CCDC117: variants seen among roughly 807,000 people sequenced by gnomAD.
CCDC117 encodes the protein coiled-coil domain-containing protein 117.
In CCDC117, 1 loss-of-function variant was observed where a neutral mutation model predicts 23.5. The ratio of observed to expected loss-of-function variants is 0.04; its 90% CI spans 0.02 to 0.20. The LOEUF is 0.20. CCDC117 is among the 10% of genes least tolerant of loss of function. The pLI is 1.00. For synonymous variants in CCDC117, 132 were observed against 124.8 expected (o/e 1.06, Z -0.39); for missense variants, 383 against 348.2 (o/e 1.10, Z -0.80).
At chr22:28,780,102 C>T (rs530391106) in intron 2 of CCDC117, among the ~76,000 whole-genome samples, 3 of 152,240 alleles carry the variant, frequency 2.0e-5, no homozygotes, top group Admixed American at 1.3e-4. Context: ...CACTACTTTA[C>T]GGTGACACTT....
intron 3 of CCDC117, among the ~76,000 whole-genome samples, chr22:28,783,065 G>A (rs942207095): frequency 3.3e-5 from 5 of 151,736 alleles, no homozygotes; most frequent in African/African-American, 9.7e-5. Context: ...GTTTTGAGAC[G>A]GAGTCTTGCT....
chr22:28,786,007 A>C (rs760794325), intron 4 of CCDC117, 82 bp from the exon 5 acceptor site: 2 of 866,796 alleles, frequency 2.3e-6, no homozygotes, highest in Non-Finnish European at 1.8e-6. Flanking sequence ...TTAAGATACT[A>C]GGTAATGTTG....
chr22:28,775,293 C>G (rs542335799), intron 2 of CCDC117, among the ~76,000 whole-genome samples: 1 of 152,286 alleles, frequency 6.6e-6, no homozygotes, highest in South Asian at 2.1e-4. Context: ...GTGTGGAATT[C>G]TATCGTAGGA....
rs747461863 is a variant in CCDC117, at chr22:28,782,325, C to G, written c.464+1153C>G. Among the ~76,000 whole-genome samples the G allele has an allele frequency of 1.1e-4, 16 of 139,138 alleles. No homozygotes were observed. The Admixed American group carries it at 1.2e-3, about 11-fold the overall frequency. 91.3% of individuals were successfully genotyped at this position (139,138 alleles called of 152,430 possible). A position where few individuals can be genotyped will look rare whatever the true frequency, so the allele number is the denominator to read the frequency against. ...AGGCTGGAGTACAATGGTGTGAACT[C>G]GGCGCTCACTGCAACCTCCGCCTCC... On this transcript the variant is annotated intron_variant, in intron 3 of 4. Transcript: ENST00000249064.
Position 28,772,725 on chromosome 22 carries a change from C to G in CCDC117, c.-125C>G. 2 of 722,242 alleles carry G rather than the reference C, an allele frequency of 2.8e-6. No homozygotes were observed. The highest frequency in any genetic ancestry group is 7.1e-5 in the South Asian group (1 of 14,010). The allele number at this position is 722,242 out of a possible 1,614,324, so 44.7% of individuals were successfully genotyped here. On this transcript the variant is annotated 5_prime_UTR_variant, in exon 1 of 5. Coordinates refer to ENST00000249064, the MANE Select transcript of CCDC117 (RefSeq NM_173510.4). ...GCCTGAGGTGGAGGGTTCTAGAAGG[C>G]GTGACGTGGGGTCGAGAGCGGGATC...
rs1303704647 is a variant in CCDC117 at position 28,772,793 on chromosome 22, G to C, written c.-57G>C. The stretch of plus-strand genomic sequence containing the variant: ...GGCAGTAGCTGTGGCTGCGGCTGCC[G>C]GGCCTGGGGACGCGGGCGGCCGAGG... On this transcript the variant is annotated 5_prime_UTR_variant, in exon 1 of 5. Transcript: ENST00000249064. The C allele has an allele frequency of 1.7e-6, 2 of 1,208,084 alleles. No homozygotes were observed. The highest frequency in any genetic ancestry group is 4.1e-5 in the South Asian group (1 of 24,400). 74.8% of individuals were successfully genotyped at this position (1,208,084 alleles called of 1,614,324 possible).
chr22:28,777,585 C>G (rs1031685086), intron 2 of CCDC117, among the ~76,000 whole-genome samples: 1 of 150,880 alleles, frequency 6.6e-6, no homozygotes, highest in African/African-American at 2.4e-5. Context: ...TCTTGACTCA[C>G]TTTAACCTCC....
At chr22:28,775,062 GA>G (rs1214041476) in intron 2 of CCDC117, among the ~76,000 whole-genome samples, 1 of 152,148 alleles carries the variant, frequency 6.6e-6, no homozygotes, top group East Asian at 1.9e-4. Context: ...AGGAGTTTGA[GA>G]CCAGCTTGGC....
At chr22:28,774,170 C>CCATT (rs2031091595) in intron 2 of CCDC117, among the ~76,000 whole-genome samples, 2 of 149,922 alleles carry the variant, frequency 1.3e-5, no homozygotes, top group Non-Finnish European at 3.0e-5. Flanking sequence ...CGGCTTCATG[C>CCATT]CATTCTCCTG....
chr22:28,782,502 G>A (rs1278001354), intron 3 of CCDC117, among the ~76,000 whole-genome samples: 1 of 151,684 alleles, frequency 6.6e-6, no homozygotes, highest in East Asian at 1.9e-4. Context: ...GCAGTGGTGC[G>A]ATCTCAGCTC....
In CCDC117 at chr22:28,783,659, C is replaced by T. The variant is rs140438864; in HGVS notation, c.602+14C>T. ...GATTGAGTCTATGTAAGTTTTGGTACCTGATTTCTATTTAATTATGATCTT... is the reference window on the plus strand; with the variant it reads ...GATTGAGTCTATGTAAGTTTTGGTATCTGATTTCTATTTAATTATGATCTT... On this transcript the variant is annotated intron_variant, in intron 4 of 4. Coordinates refer to ENST00000249064, the MANE Select transcript of CCDC117 (RefSeq NM_173510.4). 2,569 of 1,610,598 alleles carry T rather than the reference C, an allele frequency of 1.6e-3. 23 individuals are homozygous for T. Among genetic ancestry groups the T allele is most frequent in the East Asian group, 3.6e-3 (161 of 44,774 alleles).
intron 3 of CCDC117, among the ~76,000 whole-genome samples, chr22:28,781,438 C>T (rs2031332254): frequency 2.0e-5 from 1 of 50,920 alleles, no homozygotes; most frequent in Non-Finnish European, 3.1e-5. Context: ...GCAAGCTCCG[C>T]CTCCCGGGTT....
intron 2 of CCDC117, among the ~76,000 whole-genome samples, chr22:28,776,314 C>T (rs1221573035): frequency 6.6e-6 from 1 of 151,988 alleles, no homozygotes; most frequent in Non-Finnish European, 1.5e-5. Context: ...GACTGAGGCA[C>T]GAGGAGAAGG....
At position 28,773,050 on chromosome 22, in the gene CCDC117, G is replaced by T. The variant is rs1441284400; in HGVS notation, c.185+16G>T. On this transcript the variant is annotated intron_variant, in intron 1 of 4. Coordinates refer to ENST00000249064, the MANE Select transcript of CCDC117 (RefSeq NM_173510.4). The stretch of plus-strand genomic sequence containing the variant: ...CGCGCGGACGGTGAGGAGCCCGTCG[G>T]GCGCAGGGCGCAGGGCGGGCGGGCG... 9.1e-7 allele frequency: 1 copy of T among 1,096,158 alleles called. No individual in the cohort carries two copies. Among genetic ancestry groups the T allele is most frequent in the Non-Finnish European group, 1.1e-6 (1 of 904,032 alleles). The allele number at this position is 1,096,158 out of a possible 1,614,324, so 67.9% of individuals were successfully genotyped here. A position where few individuals can be genotyped will look rare whatever the true frequency, so the allele number is the denominator to read the frequency against.
At position 28,773,053 on chromosome 22, in the gene CCDC117, G is replaced by T; in HGVS notation, c.185+19G>T. 1 of 1,068,144 alleles carries T rather than the reference G, an allele frequency of 9.4e-7. No individual in the cohort carries two copies. 66.2% of individuals were successfully genotyped at this position (1,068,144 alleles called of 1,614,324 possible). ...GCGGACGGTGAGGAGCCCGTCGGGC[G>T]CAGGGCGCAGGGCGGGCGGGCGGGC... On this transcript the variant is annotated intron_variant, in intron 1 of 4. Transcript: ENST00000249064.
At chr22:28,776,001 A>G (rs371027102) in intron 2 of CCDC117, among the ~76,000 whole-genome samples, 27 of 152,342 alleles carry the variant, frequency 1.8e-4, no homozygotes, top group African/African-American at 4.8e-4. Context: ...TAAAGCCACA[A>G]TGAGATGCCA....
At chr22:28,773,433 T>TAAATAAA (rs1162742313) in intron 1 of CCDC117, 3 of 390,948 alleles carry the variant, frequency 7.7e-6, no homozygotes, top group East Asian at 3.8e-5. Flanking sequence ...TGAGATTATT[T>TAAATAAA]AAATAAAGTG....
rs900194110 is a variant in CCDC117, at chr22:28,789,043, TACTC to T, written c.*2718_*2721del. On this transcript the variant is annotated 3_prime_UTR_variant, in exon 5 of 5. Coordinates refer to ENST00000249064, the MANE Select transcript of CCDC117 (RefSeq NM_173510.4). ...ATAAATATTGATCACTTAAAAAACT[TACTC>T]TTTCTTGAAAAGGTACACATGTAAA... 1.0e-3 allele frequency: 158 copies of T among 152,304 alleles called. No individual in the cohort carries two copies. The highest frequency in any genetic ancestry group is 3.5e-3 in the African/African-American group (146 of 41,494). The allele number at this position is 152,304 out of a possible 1,614,324, so 9.4% of individuals were successfully genotyped here. A position where few individuals can be genotyped will look rare whatever the true frequency, so the allele number is the denominator to read the frequency against.
At chr22:28,783,045 GT>G (rs983204021) in intron 3 of CCDC117, among the ~76,000 whole-genome samples, 3 of 151,406 alleles carry the variant, frequency 2.0e-5, no homozygotes, top group Non-Finnish European at 4.4e-5. Flanking sequence ...TCTGAGTATA[GT>G]TTTTTTTTGT....
Sources: gnomAD v4.1 joint callset for allele counts (sites outside exome capture counted in the v4.1 genomes callset) on GRCh38, gnomAD v4.1.1 for gene constraint, MANE v1.5 for transcripts, NCBI Gene and HGNC (gene_info 2026-07-23, HGNC 2026-07-21) for gene names.